Variants in TMC2 observed in about 807,000 individuals in gnomAD.
TMC2 encodes transmembrane channel-like protein 2.
In TMC2, 102 loss-of-function variants were observed where a neutral mutation model predicts 105.9. That is an observed-to-expected ratio of 0.96 (90% CI 0.82 to 1.14). The LOEUF (loss-of-function observed/expected upper bound fraction) is 1.14, where lower values mean the gene tolerates loss of function less well. Ranked by LOEUF, TMC2 falls within the 50% of genes most tolerant of loss-of-function variation. TMC2 has a pLI of 0.00. For synonymous variants in TMC2, 402 were observed against 422.8 expected (o/e 0.95, Z 0.60); for missense variants, 1,093 against 1,134.3 (o/e 0.96, Z 0.52).
In TMC2 at chr20:2,592,490, T is replaced by C; in HGVS notation, c.933+82T>C. 2 of 982,402 alleles carry C rather than the reference T, an allele frequency of 2.0e-6. No homozygotes were observed. Among genetic ancestry groups the C allele is most frequent in the South Asian group, 1.3e-5 (1 of 75,764 alleles). The allele number at this position is 982,402 out of a possible 1,614,324, so 60.9% of individuals were successfully genotyped here. ...GCATGGATAAGTATGAAATAGTGCG[T>C]TTAATTATTGAAAAACCATTGCTTT... On this transcript the variant is annotated intron_variant, in intron 8 of 19. Transcript: ENST00000358864. This position sits in a 1 kb window ranked among gnomAD's most constrained non-coding sequence, Gnocchi z 4.9.
intron 2 of TMC2, among the ~76,000 whole-genome samples, chr20:2,545,761 G>A (rs1659849881): frequency 4.0e-5 from 6 of 148,760 alleles, no homozygotes; most frequent in South Asian, 4.2e-4. Context: ...AGAAGAAGAC[G>A]AGGAAGAAGA....
intron 7 of TMC2, among the ~76,000 whole-genome samples, chr20:2,590,982 A>T (rs2086264256): frequency 6.6e-6 from 1 of 152,166 alleles, no homozygotes; most frequent in Non-Finnish European, 1.5e-5. Context: ...TACTGGACAA[A>T]AATAAGACAA....
chr20:2,625,470 T>A lies in TMC2; in HGVS notation c.2306+1074T>A, dbSNP rs6050670. ...ATATTTTGTACTTTTTAATCACATG[T>A]GTGTATAGTACTGTTTCCGGAGTTT... On this transcript the variant is annotated intron_variant, in intron 17 of 19. Transcript: ENST00000358864. Among the ~76,000 whole-genome samples, 6 of 152,050 alleles carry A rather than the reference T, an allele frequency of 3.9e-5. No homozygotes were observed. The South Asian group carries it at 1.2e-3, about 31-fold the overall frequency.
intron 4 of TMC2, among the ~76,000 whole-genome samples, chr20:2,568,299 C>T (rs1414355297): frequency 1.3e-5 from 2 of 152,158 alleles, no homozygotes; most frequent in African/African-American, 4.8e-5. Context: ...CATCAGAAAC[C>T]ATGAAGGGCA....
chr20:2,616,138 C>T lies in TMC2; in HGVS notation c.1874C>T (p.Pro625Leu), dbSNP rs1484931523. The change falls in exon 15 of 20, where the codon CCT becomes CTT. Residue 625 changes from proline to leucine, a missense_variant and splice_region_variant. Transcript: ENST00000358864. The surrounding 1 kb of genome is among the most constrained non-coding windows in gnomAD (Gnocchi z 4.8). Reference protein sequence around the residue: ...CWCWDLEAGFPSYAEFDISGN... With the variant: ...CWCWDLEAGFLSYAEFDISGN... ...CTCGCTCCCTCCCTCCCTCTCTAGC[C>T]TTCATATGCTGAGTTTGATATTAGT... 6.2e-7 allele frequency: 1 copy of T among 1,612,304 alleles called. No homozygotes were observed. The highest frequency in any genetic ancestry group is 1.3e-5 in the African/African-American group (1 of 74,756).
chr20:2,561,880 G>A lies in TMC2; in HGVS notation c.424G>A (p.Ala142Thr). Residue 142 changes from alanine to threonine, a missense_variant, in exon 4 of 20, where the codon GCC becomes ACC. Physicochemically the swap from Ala to Thr is moderately conservative, Grantham distance 58. Coordinates refer to ENST00000358864, the MANE Select transcript of TMC2 (RefSeq NM_080751.3). ...CAGGTCATCCTCCTTGGCCTCCAGT[G>A]CCTCTGGTGGGGAGTCCCTGTCCGA... The part of the protein sequence containing the change: ...KPRSSSLASS[A>T]SGGESLSEEE... 6.2e-7 allele frequency: 1 copy of A among 1,614,078 alleles called. No homozygotes were observed. The highest frequency in any genetic ancestry group is 8.5e-7 in the Non-Finnish European group (1 of 1,179,988).
chr20:2,615,631 C>A (rs959292619), intron 14 of TMC2, among the ~76,000 whole-genome samples: 37 of 152,230 alleles, frequency 2.4e-4, no homozygotes, highest in African/African-American at 8.2e-4. Context: ...TTTCCGTGAA[C>A]TGCTCTCAGA....
At position 2,552,121 on chromosome 20, in the gene TMC2, G is replaced by C. The variant is rs1568502614; in HGVS notation, c.83-6335G>C. Among the ~76,000 whole-genome samples, 4 of 152,278 alleles carry C rather than the reference G, an allele frequency of 2.6e-5. No individual in the cohort carries two copies. In the East Asian group the frequency reaches 7.7e-4, roughly 29 times the overall value. The stretch of plus-strand genomic sequence containing the variant: ...AAAATTATAAAATTAGCTGGGCATG[G>C]TTAGTGTGCACCTGTAGTCCCCCCT... On this transcript the variant is annotated intron_variant, in intron 2 of 19. Transcript: ENST00000358864.
intron 2 of TMC2, among the ~76,000 whole-genome samples, chr20:2,553,202 C>T (rs1490098312): frequency 6.6e-6 from 1 of 152,194 alleles, no homozygotes; most frequent in East Asian, 1.9e-4. Flanking sequence ...TCTAGTTTCT[C>T]ACCACTAAGT....
At chr20:2,546,153 A>T (rs1169512815) in intron 2 of TMC2, among the ~76,000 whole-genome samples, 1 of 152,138 alleles carries the variant, frequency 6.6e-6, no homozygotes. Context: ...ATTTCTCCCC[A>T]CCTGACCTAT....
chr20:2,578,950 T>C lies in TMC2; in HGVS notation c.646-196T>C, dbSNP rs556046146. On this transcript the variant is annotated intron_variant, in intron 5 of 19. Coordinates refer to ENST00000358864, the MANE Select transcript of TMC2 (RefSeq NM_080751.3). ...CTTGTCTCTCACTCCAGGCCTGACG[T>C]TGGGGAAGTAAAGGTTTGAACACCT... Among the ~76,000 whole-genome samples, 12 of 152,304 alleles carry C rather than the reference T, an allele frequency of 7.9e-5. No homozygotes were observed. The South Asian group carries it at 1.2e-3, about 16-fold the overall frequency.
chr20:2,538,206 C>G (rs897819082), intron 2 of TMC2, among the ~76,000 whole-genome samples: 3 of 152,110 alleles, frequency 2.0e-5, no homozygotes, highest in African/African-American at 7.2e-5. Flanking sequence ...TTCAGTGAGG[C>G]CGCTGTGTTA....
chr20:2,623,400 G>C (rs1002857629), intron 16 of TMC2, among the ~76,000 whole-genome samples: 1 of 152,054 alleles, frequency 6.6e-6, no homozygotes, highest in Non-Finnish European at 1.5e-5. Flanking sequence ...TTAGGCAGGC[G>C]TGGTGGCGCT....
chr20:2,617,188 T>C lies in TMC2; in HGVS notation c.2057T>C (p.Phe686Ser), dbSNP rs755474259. The change falls in exon 16 of 20, where the codon TTC (phenylalanine) becomes TCC (serine). Residue 686 changes from phenylalanine to serine, a missense_variant. Phe to Ser is a radical substitution (Grantham distance 155). Transcript: ENST00000358864. ...MSSNVPHERV[F>S]KASRSNNFYM... ...AGCAACGTACCCCATGAACGCGTGTTCAAAGCCTCCCGATCCAACAACTTC... is the reference window on the plus strand; with the variant it reads ...AGCAACGTACCCCATGAACGCGTGTCCAAAGCCTCCCGATCCAACAACTTC... 7 of 1,614,188 alleles carry C rather than the reference T, an allele frequency of 4.3e-6. No homozygotes were observed. Among genetic ancestry groups the C allele is most frequent in the Non-Finnish European group, 5.1e-6 (6 of 1,180,042 alleles).
intron 19 of TMC2, among the ~76,000 whole-genome samples, chr20:2,639,306 A>C (rs996982091): frequency 3.9e-5 from 6 of 152,096 alleles, no homozygotes; most frequent in Non-Finnish European, 7.4e-5. Flanking sequence ...CCACTCACTG[A>C]CTCACCCAGA....
chr20:2,617,114 G>A lies in TMC2; in HGVS notation c.1983G>A (p.Val661=), dbSNP rs2086488413. 6.2e-7 allele frequency: 1 copy of A among 1,614,196 alleles called. No homozygotes were observed. Among genetic ancestry groups the A allele is most frequent in the Non-Finnish European group, 8.5e-7 (1 of 1,180,040 alleles). ...CTCCAGGCCTGGTGGGCATTAATGT[G>A]CTGCGCCTGCTGACCTCCATGTACT... ...FYAPGLVGIN[V]LRLLTSMYFQ... The change falls in exon 16 of 20, where the codon GTG becomes GTA. Residue 661 remains valine, a synonymous_variant. Transcript: ENST00000358864.
intron 2 of TMC2, among the ~76,000 whole-genome samples, chr20:2,557,900 C>T (rs183473407): frequency 1.6e-4 from 24 of 152,296 alleles, no homozygotes; most frequent in Non-Finnish European, 2.8e-4. Flanking sequence ...GATTTCTTTC[C>T]TTAGCCATTG....
intron 4 of TMC2, among the ~76,000 whole-genome samples, chr20:2,562,895 G>T (rs1397869448): frequency 6.6e-6 from 1 of 151,884 alleles, no homozygotes; most frequent in Non-Finnish European, 1.5e-5. Context: ...GTAGTGAGCC[G>T]AGATCATGCC....
chr20:2,545,910 A>C (rs1420714108), intron 2 of TMC2, among the ~76,000 whole-genome samples: 1 of 148,432 alleles, frequency 6.7e-6, no homozygotes, highest in Non-Finnish European at 1.5e-5. Flanking sequence ...GAAAGAAAAA[A>C]AGAAAGAAAT....
Sources: gnomAD v4.1 joint callset for allele counts (sites outside exome capture counted in the v4.1 genomes callset) on GRCh38, gnomAD v4.1.1 for gene constraint, Gnocchi (gnomAD v3.1) non-coding constraint, MANE v1.5 for transcripts, NCBI Gene and HGNC (gene_info 2026-07-23, HGNC 2026-07-21) for gene names.